Variants in PCDHA4 observed in about 807,000 individuals in gnomAD.
The protein encoded by PCDHA4 is protocadherin alpha 4, also known as protocadherin alpha-4.
A neutral mutation model predicts 61.4 loss-of-function variants in PCDHA4; 49 were observed. That is an observed-to-expected ratio of 0.80 (90% CI 0.63 to 1.01). The LOEUF is 1.01. PCDHA4 is among the 50% of genes least tolerant of loss of function. The pLI is 0.00. For missense variants in PCDHA4, 1,254 were observed against 1,235.8 expected, an observed-to-expected ratio of 1.01 and a Z score of -0.22; for synonymous variants, 590 against 550.3, an observed-to-expected ratio of 1.07 and a Z score of -1.01.
intron 1 of PCDHA4, chr5:140,849,896 CA>C: frequency 6.3e-7 from 1 of 1,598,590 alleles, no homozygotes; most frequent in Non-Finnish European, 8.6e-7. Context: ...TGAAGGAGAA[CA>C]ACCCGCCGGG....
chr5:140,906,456 G>T (rs527287837), intron 1 of PCDHA4, among the ~76,000 whole-genome samples: 1 of 152,278 alleles, frequency 6.6e-6, no homozygotes, highest in African/African-American at 2.4e-5. Context: ...ATAAAATGAA[G>T]ATATTTTCTT....
chr5:140,952,338 C>CAAAAAAAA (rs55931446), intron 1 of PCDHA4, among the ~76,000 whole-genome samples: 1 of 135,028 alleles, frequency 7.4e-6, no homozygotes. Context: ...AACTCCATCT[C>CAAAAAAAA]AAAAAAAAAA....
rs2150472537 is a variant in PCDHA4, at chr5:140,850,195, C to T, written c.2385+40623C>T. 8.8e-6 allele frequency: 14 copies of T among 1,593,610 alleles called. 2 individuals are homozygous for T. In the South Asian group the frequency reaches 1.5e-4, roughly 18 times the overall value. The stretch of plus-strand genomic sequence containing the variant: ...AACGACAATGCGCCGGCGCTGCTGA[C>T]ACCTCGGATGAGGGGCACTGACGGC... On this transcript the variant is annotated intron_variant, in intron 1 of 3. Transcript: ENST00000530339.
At chr5:140,909,082 G>T (rs1190064294) in intron 1 of PCDHA4, among the ~76,000 whole-genome samples, 2 of 152,184 alleles carry the variant, frequency 1.3e-5, no homozygotes, top group Non-Finnish European at 2.9e-5. Context: ...CAGTGTGTTT[G>T]CTACTTCTCA....
intron 1 of PCDHA4, among the ~76,000 whole-genome samples, chr5:140,895,943 TG>T (rs1176755658): frequency 6.6e-6 from 1 of 152,148 alleles, no homozygotes; most frequent in Non-Finnish European, 1.5e-5. Flanking sequence ...CCCGAGTAGC[TG>T]GGATTACAGG....
chr5:140,809,131 G>A lies in PCDHA4; in HGVS notation c.1944G>A (p.Leu648=). Residue 648 remains leucine, a synonymous_variant, in exon 1 of 4, where the codon CTG becomes CTA. Coordinates refer to ENST00000530339, the MANE Select transcript of PCDHA4 (RefSeq NM_018907.4). ...DETDAPRHRL[L]VLVKDHGEPA... ...CGGACGCTCCGCGCCACCGCCTACT[G>A]GTACTGGTGAAGGACCACGGCGAGC... 6.2e-7 allele frequency: 1 copy of A among 1,614,044 alleles called. No individual in the cohort carries two copies. The highest frequency in any genetic ancestry group is 8.5e-7 in the Non-Finnish European group (1 of 1,179,948).
chr5:140,869,819 A>G, intron 1 of PCDHA4: 1 of 1,612,282 alleles, frequency 6.2e-7, no homozygotes, highest in Non-Finnish European at 8.5e-7. Context: ...AACGACAATG[A>G]TCCAGAGTTT....
intron 3 of PCDHA4, among the ~76,000 whole-genome samples, chr5:140,994,367 G>C (rs2097617491): frequency 6.6e-6 from 1 of 152,110 alleles, no homozygotes; most frequent in African/African-American, 2.4e-5. Context: ...AGATGGAATT[G>C]GAAATTCAGG....
chr5:140,965,855 T>G (rs961780781), intron 1 of PCDHA4, among the ~76,000 whole-genome samples: 1 of 152,226 alleles, frequency 6.6e-6, no homozygotes, highest in African/African-American at 2.4e-5. Context: ...AGGCACACAC[T>G]GAAAATAAGG....
At chr5:140,879,483 T>C (rs2153367251) in intron 1 of PCDHA4, among the ~76,000 whole-genome samples, 1 of 152,292 alleles carries the variant, frequency 6.6e-6, no homozygotes, top group Non-Finnish European at 1.5e-5. Context: ...TGATTGGAAA[T>C]ATGGGTCTGG....
At chr5:140,885,267 C>CAT (rs1219745687) in intron 1 of PCDHA4, among the ~76,000 whole-genome samples, 1 of 151,978 alleles carries the variant, frequency 6.6e-6, no homozygotes, top group East Asian at 1.9e-4. Context: ...ATTACTCATA[C>CAT]ATATATATAT....
chr5:140,809,431 GT>G lies in PCDHA4; in HGVS notation c.2245del (p.Ser749HisfsTer61). 1 of 1,614,226 alleles carries G rather than the reference GT, an allele frequency of 6.2e-7. No homozygotes were observed. Among genetic ancestry groups the G allele is most frequent in the East Asian group, 2.2e-5 (1 of 44,876 alleles). ...TGTGCTCCAGTGCGGTGGGGAGCTG[GT>G]CATACTCGCAGCAGAGGAGGCCGAG... is the stretch of plus-strand genomic sequence containing the variant. The part of the protein sequence containing the change: ...LVCSSAVGSW[S>X]YSQQRRPRVC... On this transcript the variant is annotated frameshift_variant, in exon 1 of 4. Transcript: ENST00000530339. LOFTEE classifies it high-confidence loss of function.
intron 1 of PCDHA4, chr5:140,810,694 A>G (rs963072160): frequency 6.6e-6 from 1 of 151,434 alleles, no homozygotes. Context: ...TTTTGCTTCC[A>G]TAGAACTTTA....
chr5:140,899,606 A>G (rs1330407383), intron 1 of PCDHA4, among the ~76,000 whole-genome samples: 1 of 152,168 alleles, frequency 6.6e-6, no homozygotes, highest in Non-Finnish European at 1.5e-5. Flanking sequence ...GGACTTTTGC[A>G]TCAATGTTCA....
In PCDHA4 at chr5:140,823,940, G is replaced by C. The variant is rs2150130604; in HGVS notation, c.2385+14368G>C. The C allele has an allele frequency of 2.5e-5, 40 of 1,613,848 alleles. No individual in the cohort carries two copies. The highest frequency in any genetic ancestry group is 3.2e-5 in the Non-Finnish European group (38 of 1,179,972). Reference sequence around the variant, plus strand: ...CTGCTGCTGTACACCGCGCTGCGGTGCTCGGCGCAGCCCACCGAGGCCGTG... The same window carrying C: ...CTGCTGCTGTACACCGCGCTGCGGTCCTCGGCGCAGCCCACCGAGGCCGTG... On this transcript the variant is annotated intron_variant, in intron 1 of 3. Transcript: ENST00000530339.
chr5:140,861,154 CA>C lies in PCDHA4; in HGVS notation c.2385+51586del, dbSNP rs782409708. On this transcript the variant is annotated intron_variant, in intron 1 of 3. Coordinates refer to ENST00000530339, the MANE Select transcript of PCDHA4 (RefSeq NM_018907.4). ...CACTTGGAACCTCAGGAACAAGGAC[CA>C]AAAGGTCTCAGAGGAACTAAGTCTT... The C allele has an allele frequency of 5.8e-4, 90 of 154,832 alleles. 1 individual carries two copies. The highest frequency in any genetic ancestry group is 1.2e-3 in the Non-Finnish European group (81 of 69,986). 9.6% of individuals were successfully genotyped at this position (154,832 alleles called of 1,614,324 possible). A position where few individuals can be genotyped will look rare whatever the true frequency, so the allele number is the denominator to read the frequency against.
At chr5:140,827,751 A>G (rs1042537748) in intron 1 of PCDHA4, among the ~76,000 whole-genome samples, 1 of 152,258 alleles carries the variant, frequency 6.6e-6, no homozygotes, top group Non-Finnish European at 1.5e-5. Context: ...TAGATCCCTT[A>G]CTTTAAATTA....
In PCDHA4 at chr5:140,883,587, G is replaced by C. The variant is rs1554178846; in HGVS notation, c.2385+74015G>C. ...TCGCCTTCGCTGTGGGCCACGGCCA[G>C]CGTGTCGGTGGGGGTGGCCGACGTG... On this transcript the variant is annotated intron_variant, in intron 1 of 3. Coordinates refer to ENST00000530339, the MANE Select transcript of PCDHA4 (RefSeq NM_018907.4). 6.2e-7 allele frequency: 1 copy of C among 1,614,030 alleles called. No individual in the cohort carries two copies. Among genetic ancestry groups the C allele is most frequent in the Non-Finnish European group, 8.5e-7 (1 of 1,179,946 alleles).
intron 3 of PCDHA4, among the ~76,000 whole-genome samples, chr5:140,993,344 A>G (rs1379621962): frequency 1.3e-5 from 2 of 152,022 alleles, no homozygotes; most frequent in Admixed American, 6.6e-5. Context: ...GAAGGGCACT[A>G]CGAAGATCCT....
Sources: gnomAD v4.1 joint callset for allele counts (sites outside exome capture counted in the v4.1 genomes callset) on GRCh38, gnomAD v4.1.1 for gene constraint, MANE v1.5 for transcripts, NCBI Gene and HGNC (gene_info 2026-07-23, HGNC 2026-07-21) for gene names.